The following NDUFAF2 variants were observed in gnomAD, a reference collection of about 807,000 sequenced individuals.
NDUFAF2 encodes the protein NADH dehydrogenase [ubiquinone] 1 alpha subcomplex assembly factor 2.
NDUFAF2 carries 13 observed loss-of-function variants against 22.8 expected under a neutral mutation model. That is an observed-to-expected ratio of 0.57 (90% CI 0.37 to 0.91). NDUFAF2 has a LOEUF of 0.91. Among genes scored for constraint, NDUFAF2 ranks in the 40% least tolerant of loss-of-function variants. The pLI is 0.01. For synonymous variants in NDUFAF2, 53 were observed against 64.2 expected, an observed-to-expected ratio of 0.83 and a Z score of 0.84; for missense variants, 162 against 195.2, an observed-to-expected ratio of 0.83 and a Z score of 1.01.
chr5:60,982,668 C>T (rs1002655265), intron 1 of NDUFAF2, among the ~76,000 whole-genome samples: 14 of 150,782 alleles, frequency 9.3e-5, no homozygotes, highest in Middle Eastern at 3.4e-3. Context: ...TTTGTCCTTG[C>T]GATAGTTTAC....
intron 1 of NDUFAF2, among the ~76,000 whole-genome samples, chr5:61,020,936 C>T (rs1005976350): frequency 4.0e-5 from 6 of 151,120 alleles, no homozygotes; most frequent in South Asian, 2.1e-4. Flanking sequence ...CCTCGTGATC[C>T]GCCTGCCTCG....
At chr5:61,100,657 T>G (rs1322958056) in intron 3 of NDUFAF2, among the ~76,000 whole-genome samples, 1 of 152,118 alleles carries the variant, frequency 6.6e-6, no homozygotes, top group Non-Finnish European at 1.5e-5. Flanking sequence ...CCTGGAAACT[T>G]TCTCTACCAC....
intron 1 of NDUFAF2, among the ~76,000 whole-genome samples, chr5:60,968,534 TTTG>T (rs1426439965): frequency 6.6e-6 from 1 of 151,926 alleles, no homozygotes; most frequent in African/African-American, 2.4e-5. Context: ...TGTTTCCATT[TTTG>T]TTTTTTGAAA....
intron 1 of NDUFAF2, among the ~76,000 whole-genome samples, chr5:61,019,688 G>A (rs990389476): frequency 8.6e-5 from 13 of 151,898 alleles, no homozygotes; most frequent in Admixed American, 6.6e-4. Context: ...AACATCCAGC[G>A]TGAGCTTTAA....
At chr5:61,002,585 AT>A (rs1174920224) in intron 1 of NDUFAF2, among the ~76,000 whole-genome samples, 1 of 152,156 alleles carries the variant, frequency 6.6e-6, no homozygotes, top group Non-Finnish European at 1.5e-5. Context: ...ATAGTTGCCT[AT>A]TTTCCCTTTC....
chr5:61,106,654 T>C (rs891511052), intron 3 of NDUFAF2, among the ~76,000 whole-genome samples: 4 of 151,182 alleles, frequency 2.6e-5, no homozygotes, highest in African/African-American at 9.9e-5. Flanking sequence ...TATCTAATTA[T>C]ATTTTTGTGC....
intron 3 of NDUFAF2, among the ~76,000 whole-genome samples, chr5:61,111,201 G>A (rs1295074563): frequency 6.6e-6 from 1 of 152,148 alleles, no homozygotes; most frequent in Non-Finnish European, 1.5e-5. Flanking sequence ...CAACTGTTTT[G>A]AAATTTTTAA....
intron 1 of NDUFAF2, among the ~76,000 whole-genome samples, chr5:61,054,974 AG>A (rs1752070164): frequency 6.6e-6 from 1 of 152,196 alleles, no homozygotes; most frequent in South Asian, 2.1e-4. Context: ...TATAACTTTA[AG>A]GGGTCACTGC....
intron 1 of NDUFAF2, among the ~76,000 whole-genome samples, chr5:60,979,409 C>G (rs1166565631): frequency 1.3e-5 from 2 of 152,162 alleles, no homozygotes; most frequent in African/African-American, 2.4e-5. Flanking sequence ...TGGATCTGCC[C>G]TGGGCCAGAG....
chr5:60,990,815 G>GGT (rs1209182299), intron 1 of NDUFAF2, among the ~76,000 whole-genome samples: 5 of 151,938 alleles, frequency 3.3e-5, no homozygotes, highest in African/African-American at 4.8e-5. Context: ...TGTATTTCTA[G>GGT]GTGTGTGTGT....
chr5:60,960,433 A>C (rs1750669253), intron 1 of NDUFAF2, among the ~76,000 whole-genome samples: 1 of 152,196 alleles, frequency 6.6e-6, no homozygotes, highest in Non-Finnish European at 1.5e-5. Flanking sequence ...CTTTTTGTGT[A>C]AAACCCAGTT....
chr5:60,957,552 A>G (rs1032503706), intron 1 of NDUFAF2, among the ~76,000 whole-genome samples: 4 of 151,004 alleles, frequency 2.6e-5, no homozygotes, highest in African/African-American at 9.8e-5. Flanking sequence ...TTATCTTTTT[A>G]AAAGCTGTTC....
At chr5:61,065,446 G>A (rs248681) in intron 1 of NDUFAF2, among the ~76,000 whole-genome samples, 152,169 of 152,174 alleles carry the variant, frequency 1, 76,082 homozygotes, top group Middle Eastern at 1. Flanking sequence ...AAAATCTTCA[G>A]TAAAATATTA....
At position 60,984,903 on chromosome 5, in the gene NDUFAF2, C is replaced by T. The variant is rs565207900; in HGVS notation, c.127+39521C>T. Among the ~76,000 whole-genome samples, 3 of 152,252 alleles carry T rather than the reference C, an allele frequency of 2.0e-5. No homozygotes were observed. In the South Asian group the frequency reaches 6.2e-4, roughly 32 times the overall value. On this transcript the variant is annotated intron_variant, in intron 1 of 3. Transcript: ENST00000296597. ...GGCTTTGTTATCAGGATGATGCTGGCCTCATCAAATGAGTTAGGGAGGATT... is the reference window on the plus strand; with the variant it reads ...GGCTTTGTTATCAGGATGATGCTGGTCTCATCAAATGAGTTAGGGAGGATT...
At chr5:60,981,048 G>A (rs1395038574) in intron 1 of NDUFAF2, among the ~76,000 whole-genome samples, 1 of 152,110 alleles carries the variant, frequency 6.6e-6, no homozygotes, top group Non-Finnish European at 1.5e-5. Flanking sequence ...ACTTCCCAAA[G>A]CTTAGAGAAA....
At position 61,015,598 on chromosome 5, in the gene NDUFAF2, T is replaced by C. The variant is rs564179082; in HGVS notation, c.128-57527T>C. Among the ~76,000 whole-genome samples the C allele has an allele frequency of 3.9e-5, 6 of 152,280 alleles. No individual in the cohort carries two copies. The East Asian group carries it at 1.2e-3, about 29-fold the overall frequency. On this transcript the variant is annotated intron_variant, in intron 1 of 3. Transcript: ENST00000296597. ...CACCTGGCCCAATTTCTTATATTTC[T>C]GTATTTAATATGAAAGTCATGAAAA...
intron 2 of NDUFAF2, among the ~76,000 whole-genome samples, chr5:61,075,882 T>C (rs188702282): frequency 2.0e-5 from 3 of 152,328 alleles, no homozygotes; most frequent in Admixed American, 2.0e-4. Flanking sequence ...CAATGTAGAT[T>C]AAACAATGTG....
intron 1 of NDUFAF2, among the ~76,000 whole-genome samples, chr5:61,038,992 G>T (rs1213788129): frequency 1.3e-5 from 2 of 151,692 alleles, no homozygotes; most frequent in Admixed American, 6.6e-5. Flanking sequence ...ATTATTACTT[G>T]CTAAATTCCT....
chr5:60,987,726 T>C (rs1235400854), intron 1 of NDUFAF2, among the ~76,000 whole-genome samples: 2 of 152,166 alleles, frequency 1.3e-5, no homozygotes, highest in Non-Finnish European at 2.9e-5. Flanking sequence ...TTGATAAAAA[T>C]TGAACATCCT....
Sources: allele counts gnomAD v4.1 joint callset (sites outside exome capture counted in the v4.1 genomes callset), GRCh38; gene constraint gnomAD v4.1.1; transcripts MANE v1.5; gene names NCBI Gene and HGNC (gene_info 2026-07-23, HGNC 2026-07-21).